Variants in BCAS3 observed in about 807,000 individuals in gnomAD.
BCAS3 encodes BCAS3 microtubule associated cell migration factor, also known as BCAS4/BCAS3 fusion.
In BCAS3, 53 loss-of-function variants were observed where a neutral mutation model predicts 116.1. That is an observed-to-expected ratio of 0.46 (90% CI 0.37 to 0.57). BCAS3 has a LOEUF of 0.57. BCAS3 is among the 20% of genes least tolerant of loss of function. The pLI, the probability that BCAS3 is intolerant of heterozygous loss-of-function variation, is 0.00. For missense variants in BCAS3, 917 were observed against 1,165.4 expected, an observed-to-expected ratio of 0.79 and a Z score of 3.10; for synonymous variants, 391 against 408.2, an observed-to-expected ratio of 0.96 and a Z score of 0.51.
At chr17:61,154,034 A>G (rs1214135230) in intron 22 of BCAS3, among the ~76,000 whole-genome samples, 2 of 152,188 alleles carry the variant, frequency 1.3e-5, no homozygotes, top group African/African-American at 4.8e-5. Flanking sequence ...TGGTTTAGTG[A>G]AGGGAAGCAA....
intron 5 of BCAS3, among the ~76,000 whole-genome samples, chr17:60,711,008 G>C (rs1256432284): frequency 6.6e-6 from 1 of 151,696 alleles, no homozygotes. Context: ...CTACTGTGTT[G>C]CCCAGGCTGG....
At chr17:60,687,583 G>T (rs1183145388) in intron 3 of BCAS3, among the ~76,000 whole-genome samples, 1 of 150,442 alleles carries the variant, frequency 6.6e-6, no homozygotes, top group South Asian at 2.1e-4. Flanking sequence ...CAGCCGGGGT[G>T]ACAGAACCAG....
intron 23 of BCAS3, among the ~76,000 whole-genome samples, chr17:61,370,323 A>G (rs1186220857): frequency 3.3e-5 from 5 of 152,046 alleles, no homozygotes; most frequent in African/African-American, 9.7e-5. Context: ...ACTGTCACCA[A>G]AAGGAATTTA....
chr17:61,055,925 A>C (rs1469299060), intron 19 of BCAS3, among the ~76,000 whole-genome samples: 1 of 152,112 alleles, frequency 6.6e-6, no homozygotes, highest in Non-Finnish European at 1.5e-5. Context: ...GAATGGAGAG[A>C]GTTACCGTCT....
rs1233667793 is a variant in BCAS3, at chr17:61,106,502, C to A, written c.2425+21938C>A. Among the ~76,000 whole-genome samples, 1 of 152,184 alleles carries A rather than the reference C, an allele frequency of 6.6e-6. No individual in the cohort carries two copies. The highest frequency in any genetic ancestry group is 1.5e-5 in the Non-Finnish European group (1 of 68,026). Reference sequence around the variant, plus strand: ...TTCTATCTAGGTTTGTACAAGCATACTCTATGATGTTTGCACAGTGATGAA... The same window carrying A: ...TTCTATCTAGGTTTGTACAAGCATAATCTATGATGTTTGCACAGTGATGAA... On this transcript the variant is annotated intron_variant, in intron 22 of 23. Coordinates refer to ENST00000407086, the MANE Select transcript of BCAS3 (RefSeq NM_017679.5). The surrounding 1 kb of genome is among the most constrained non-coding windows in gnomAD (Gnocchi z 4.2).
At chr17:60,784,828 G>T (rs923323754) in intron 6 of BCAS3, among the ~76,000 whole-genome samples, 1 of 151,294 alleles carries the variant, frequency 6.6e-6, no homozygotes, top group African/African-American at 2.4e-5. Context: ...AGGCGCAGTG[G>T]CTCACGCCTG....
At chr17:61,172,216 G>T (rs371763219) in intron 22 of BCAS3, among the ~76,000 whole-genome samples, 1 of 152,118 alleles carries the variant, frequency 6.6e-6, no homozygotes, top group Non-Finnish European at 1.5e-5. Context: ...CAGCAAGAAG[G>T]AGATAGAATA....
At chr17:60,778,732 C>T (rs1384537342) in intron 6 of BCAS3, among the ~76,000 whole-genome samples, 2 of 152,144 alleles carry the variant, frequency 1.3e-5, no homozygotes, top group Non-Finnish European at 2.9e-5. Context: ...ATCTGAGTGG[C>T]ATAAGTGGCT....
intron 19 of BCAS3, among the ~76,000 whole-genome samples, chr17:61,071,487 T>A (rs2071423790): frequency 6.6e-6 from 1 of 152,192 alleles, no homozygotes; most frequent in Non-Finnish European, 1.5e-5. Context: ...GAAATGCAGA[T>A]TGTAATTCAG....
chr17:60,751,501 T>C (rs772510735), intron 6 of BCAS3, among the ~76,000 whole-genome samples: 3 of 152,116 alleles, frequency 2.0e-5, no homozygotes, highest in African/African-American at 7.2e-5. Context: ...GACTTTCACT[T>C]CCTTTAATAT....
chr17:61,329,957 C>T (rs1025212254), intron 22 of BCAS3, among the ~76,000 whole-genome samples: 3 of 152,004 alleles, frequency 2.0e-5, no homozygotes, highest in Admixed American at 1.3e-4. Context: ...CACTGTTAGG[C>T]GCTAGAAATA....
chr17:61,371,310 A>T (rs369582274), intron 23 of BCAS3, among the ~76,000 whole-genome samples: 1 of 152,028 alleles, frequency 6.6e-6, no homozygotes, highest in East Asian at 1.9e-4. Flanking sequence ...TAGCTAACAG[A>T]GGTTCTGGAG....
At chr17:61,294,318 T>C (rs2052698533) in intron 22 of BCAS3, among the ~76,000 whole-genome samples, 1 of 152,162 alleles carries the variant, frequency 6.6e-6, no homozygotes, top group Non-Finnish European at 1.5e-5. Flanking sequence ...ACGGGTCCTT[T>C]CCCTCTTTAT....
In BCAS3 at chr17:61,343,527, C is replaced by T. The variant is rs1390882076; in HGVS notation, c.2426-24800C>T. 1.3e-5 allele frequency among the ~76,000 whole-genome samples: 2 copies of T among 152,170 alleles called. No individual in the cohort carries two copies. Among genetic ancestry groups the T allele is most frequent in the Admixed American group, 1.3e-4 (2 of 15,270 alleles). ...AGTTCTGACTCTAGTCTGGAGTGGG[C>T]CTTGTAGCTCCATGCATTTGAAAAA... On this transcript the variant is annotated intron_variant, in intron 22 of 23. Transcript: ENST00000407086. The surrounding 1 kb of genome is among the most constrained non-coding windows in gnomAD (Gnocchi z 5.5).
intron 7 of BCAS3, among the ~76,000 whole-genome samples, chr17:60,841,342 C>T (rs1264421318): frequency 1.3e-5 from 2 of 150,930 alleles, no homozygotes; most frequent in Non-Finnish European, 2.9e-5. Flanking sequence ...TGTATTAGAA[C>T]ATATTTAGCA....
In BCAS3 at chr17:60,894,336, A is replaced by G. The variant is rs1314641171; in HGVS notation, c.738+4565A>G. Among the ~76,000 whole-genome samples, 4 of 152,106 alleles carry G rather than the reference A, an allele frequency of 2.6e-5. No homozygotes were observed. The East Asian group carries it at 5.8e-4, about 22-fold the overall frequency. On this transcript the variant is annotated intron_variant, in intron 10 of 23. Transcript: ENST00000407086. ...TTCTTATATATATATTTTCGTAACT[A>G]TTGTAAATGTGATTGCCTCTTTGCT...
At chr17:60,861,005 C>CT (rs1210026983) in intron 7 of BCAS3, among the ~76,000 whole-genome samples, 4 of 152,002 alleles carry the variant, frequency 2.6e-5, no homozygotes, top group East Asian at 3.9e-4. Context: ...TTTTAGAATA[C>CT]TTTTTTTTCT....
chr17:60,919,822 T>G (rs1027632594), intron 12 of BCAS3, among the ~76,000 whole-genome samples: 1 of 152,134 alleles, frequency 6.6e-6, no homozygotes, highest in Admixed American at 6.6e-5. Context: ...CTGAAATAGA[T>G]GATAAGTTAA....
intron 6 of BCAS3, among the ~76,000 whole-genome samples, chr17:60,797,450 A>G (rs1301662044): frequency 1.3e-5 from 2 of 151,210 alleles, no homozygotes; most frequent in East Asian, 4.0e-4. Flanking sequence ...CCTGGGCCCA[A>G]GCAGTTCTCC....
Sources: allele counts gnomAD v4.1 joint callset (sites outside exome capture counted in the v4.1 genomes callset), GRCh38; gene constraint gnomAD v4.1.1; non-coding constraint Gnocchi (gnomAD v3.1); transcripts MANE v1.5; gene names NCBI Gene and HGNC (gene_info 2026-07-23, HGNC 2026-07-21).